The following TSPAN2 variants were observed in gnomAD, a reference collection of about 807,000 sequenced individuals.
TSPAN2 encodes tetraspanin-2.
A neutral mutation model predicts 33.3 loss-of-function variants in TSPAN2; 24 were observed. The observed-to-expected ratio is 0.72, with a 90% CI of 0.52 to 1.01. The LOEUF (loss-of-function observed/expected upper bound fraction) is 1.01. Ranked by LOEUF, TSPAN2 falls within the 50% of genes least tolerant of loss-of-function variation. The pLI is 0.00. For synonymous variants in TSPAN2, 114 were observed against 104.5 expected (o/e 1.09, Z -0.56); for missense variants, 278 against 281.3 (o/e 0.99, Z 0.08).
rs139447061 is a variant in TSPAN2, at chr1:115,082,387, G to A, written c.69+6977C>T. 2.0e-5 allele frequency among the ~76,000 whole-genome samples: 3 copies of A among 152,278 alleles called. No homozygotes were observed. The East Asian group carries it at 5.8e-4, about 29-fold the overall frequency. On this transcript the variant is annotated intron_variant, in intron 1 of 7. Coordinates refer to ENST00000369516, the MANE Select transcript of TSPAN2 (RefSeq NM_005725.6). The stretch of plus-strand genomic sequence containing the variant: ...AGCTCTGCCACTGGCCAGCTCTCAA[G>A]TCTCTTCAATGCTTCAGACCTCTGT...
At chr1:115,056,503 T>C (rs896391347) in intron 6 of TSPAN2, among the ~76,000 whole-genome samples, 1 of 152,214 alleles carries the variant, frequency 6.6e-6, no homozygotes, top group African/African-American at 2.4e-5. Flanking sequence ...TGCCTCTGTG[T>C]TGTTGCTTAC....
chr1:115,051,424 T>G (rs1326914148), intron 7 of TSPAN2, among the ~76,000 whole-genome samples: 1 of 152,242 alleles, frequency 6.6e-6, no homozygotes, highest in African/African-American at 2.4e-5. Context: ...TATACTATGG[T>G]ATTATTGACT....
chr1:115,078,756 G>A (rs1029330143), intron 1 of TSPAN2, among the ~76,000 whole-genome samples: 2 of 152,124 alleles, frequency 1.3e-5, no homozygotes, highest in African/African-American at 2.4e-5. Context: ...CCCACTCTGT[G>A]GTATTATATT....
chr1:115,060,313 A>T, intron 4 of TSPAN2, 151 bp downstream of exon 4: 1 of 625,632 alleles, frequency 1.6e-6, no homozygotes, highest in Non-Finnish European at 2.8e-6. Context: ...TCATATACAT[A>T]TATGCTCAGT....
chr1:115,058,178 A>G (rs1647510679), intron 5 of TSPAN2: 1 of 156,698 alleles, frequency 6.4e-6, no homozygotes, highest in Admixed American at 6.2e-5. Flanking sequence ...ATAAATGTAT[A>G]AATGGTGGCC....
intron 7 of TSPAN2, among the ~76,000 whole-genome samples, chr1:115,051,034 G>A (rs1030210897): frequency 7.9e-5 from 12 of 152,196 alleles, no homozygotes; most frequent in African/African-American, 2.9e-4. Context: ...TATCAGCTGG[G>A]TGCAGTGGCT....
intron 2 of TSPAN2, among the ~76,000 whole-genome samples, chr1:115,067,900 G>A (rs1169801116): frequency 2.0e-5 from 3 of 152,202 alleles, no homozygotes; most frequent in African/African-American, 7.2e-5. Context: ...TGGGGTGTCT[G>A]CCCACTCCAG....
intron 3 of TSPAN2, among the ~76,000 whole-genome samples, chr1:115,060,812 TA>T (rs1647688442): frequency 6.6e-6 from 1 of 152,140 alleles, no homozygotes; most frequent in African/African-American, 2.4e-5. Context: ...GTAAAGAAGT[TA>T]AAAAGTGAAT....
chr1:115,076,117 C>T (rs1220578638), intron 1 of TSPAN2, among the ~76,000 whole-genome samples: 2 of 152,126 alleles, frequency 1.3e-5, no homozygotes, highest in Non-Finnish European at 2.9e-5. Flanking sequence ...AAACTGTAGC[C>T]ACTGGCATGC....
In TSPAN2 at chr1:115,083,476, C is replaced by T. The variant is rs184494793; in HGVS notation, c.69+5888G>A. On this transcript the variant is annotated intron_variant, in intron 1 of 7. Transcript: ENST00000369516. Reference sequence around the variant, plus strand: ...AGTGAGTAAGCCAAGAAGCAGGGCACACCCTGCTTCAGTCAGAAACAAGTG... The same window carrying T: ...AGTGAGTAAGCCAAGAAGCAGGGCATACCCTGCTTCAGTCAGAAACAAGTG... 3.2e-4 allele frequency among the ~76,000 whole-genome samples: 49 copies of T among 152,312 alleles called. No homozygotes were observed. In the East Asian group the frequency reaches 8.7e-3, roughly 27 times the overall value.
chr1:115,081,540 T>C (rs1054513984), intron 1 of TSPAN2, among the ~76,000 whole-genome samples: 3 of 152,140 alleles, frequency 2.0e-5, no homozygotes, highest in Admixed American at 1.3e-4. Context: ...GTAAAGGAGT[T>C]GTAGTGGATA....
chr1:115,055,634 C>T (rs1647391355), intron 6 of TSPAN2, among the ~76,000 whole-genome samples: 1 of 152,044 alleles, frequency 6.6e-6, no homozygotes, highest in Non-Finnish European at 1.5e-5. Context: ...AGTGATTCTC[C>T]TGCCTCAGCT....
chr1:115,059,956 G>T (rs1647638190), intron 4 of TSPAN2, among the ~76,000 whole-genome samples: 1 of 152,096 alleles, frequency 6.6e-6, no homozygotes, highest in Non-Finnish European at 1.5e-5. Context: ...AGGAAGAAAG[G>T]CTACTTCCTC....
chr1:115,075,010 G>A (rs1369381173), intron 1 of TSPAN2, among the ~76,000 whole-genome samples: 1 of 152,174 alleles, frequency 6.6e-6, no homozygotes, highest in African/African-American at 2.4e-5. Flanking sequence ...CCTATTGACA[G>A]AGGCATCAGG....
Position 115,089,373 on chromosome 1 carries a change from C to A in TSPAN2, c.60G>T (p.Leu20=), listed in dbSNP as rs758691863. 1.3e-6 allele frequency: 2 copies of A among 1,591,648 alleles called. No individual in the cohort carries two copies. Among genetic ancestry groups the A allele is most frequent in the Non-Finnish European group, 8.5e-7 (1 of 1,170,412 alleles). ...CIKYLLLGFN[L]LFWLAGSAVI... is the part of the protein sequence containing the mutation. ...CGGCTCCTGGTCTCACCCAGAAGAG[C>A]AGGTTGAAGCCAAGCAGCAGGTACT... Residue 20 remains leucine, a synonymous_variant, in exon 1 of 8, where the codon CTG becomes CTT. Coordinates refer to ENST00000369516, the MANE Select transcript of TSPAN2 (RefSeq NM_005725.6).
chr1:115,058,656 TG>T (rs1647532488), intron 5 of TSPAN2, among the ~76,000 whole-genome samples: 1 of 152,256 alleles, frequency 6.6e-6, no homozygotes, highest in Non-Finnish European at 1.5e-5. Context: ...ATGTGTCTTT[TG>T]GGTTCATGCT....
At chr1:115,059,020 G>T in intron 4 of TSPAN2, 39 bp from the exon 5 acceptor site, 1 of 1,511,688 alleles carries the variant, frequency 6.6e-7, no homozygotes, top group Non-Finnish European at 9.2e-7. Context: ...CTTCTGGGTG[G>T]GAAGTTTCAA....
chr1:115,074,469 G>T (rs1648319224), intron 1 of TSPAN2, among the ~76,000 whole-genome samples: 2 of 152,070 alleles, frequency 1.3e-5, no homozygotes, highest in African/African-American at 4.8e-5. Context: ...GTAACTAAAA[G>T]TTTCCAGTAC....
chr1:115,072,737 T>C (rs753189), intron 2 of TSPAN2, among the ~76,000 whole-genome samples, 168 bp downstream of exon 2: 50,777 of 151,938 alleles, frequency 0.33, 9,146 homozygotes, highest in African/African-American at 0.44. Flanking sequence ...AGCAGACAAC[T>C]CGGAGGGCTA....
Sources: gnomAD v4.1 joint callset for allele counts (sites outside exome capture counted in the v4.1 genomes callset) on GRCh38, gnomAD v4.1.1 for gene constraint, MANE v1.5 for transcripts, NCBI Gene and HGNC (gene_info 2026-07-23, HGNC 2026-07-21) for gene names.